XRCC4: variants seen among roughly 807,000 people sequenced by gnomAD.
XRCC4 encodes DNA repair protein XRCC4.
Under a neutral mutation model 39.1 loss-of-function variants are expected in XRCC4, and 28 were observed. The observed-to-expected ratio is 0.72, with a 90% CI of 0.53 to 0.98. The LOEUF (loss-of-function observed/expected upper bound fraction) is 0.98. Among genes scored for constraint, XRCC4 ranks in the 50% least tolerant of loss-of-function variants. The pLI is 0.00. For missense variants in XRCC4, 350 were observed against 376.4 expected, an observed-to-expected ratio of 0.93 and a Z score of 0.58; for synonymous variants, 123 against 126.4, an observed-to-expected ratio of 0.97 and a Z score of 0.18.
Position 83,097,350 on chromosome 5 carries a change from G to GTT in XRCC4, c.-10-7548_-10-7547dup, listed in dbSNP as rs5869160. ...AATTTGAGGATATGTTATAGGTTTTGTTTTTTTTTTTTTCCTCAGACTAAG... is the reference window on the plus strand; with the variant it reads ...AATTTGAGGATATGTTATAGGTTTTGTTTTTTTTTTTTTTTCCTCAGACTAAG... On this transcript the variant is annotated intron_variant, in intron 1 of 7. Transcript: ENST00000396027. Among the ~76,000 whole-genome samples, 224 of 142,766 alleles carry GTT rather than the reference G, an allele frequency of 1.6e-3. 1 individual carries two copies. The highest frequency in any genetic ancestry group is 5.6e-3 in the African/African-American group (220 of 39,082). 93.7% of individuals were successfully genotyped at this position (142,766 alleles called of 152,430 possible).
At chr5:83,270,685 C>T (rs1754110291) in intron 7 of XRCC4, among the ~76,000 whole-genome samples, 1 of 151,696 alleles carries the variant, frequency 6.6e-6, no homozygotes, top group African/African-American at 2.4e-5. Context: ...AACTCATTAC[C>T]ATAGGTTACA....
Position 83,309,417 on chromosome 5 carries a change from G to A in XRCC4, c.894-43714G>A, listed in dbSNP as rs556058564. ...TTAAGCCATTTCTATTAACATTTAA[G>A]GGAATGTGGTTTCCATATGCTTTTG... On this transcript the variant is annotated intron_variant, in intron 7 of 7. Transcript: ENST00000396027. 3.4e-5 allele frequency among the ~76,000 whole-genome samples: 5 copies of A among 149,150 alleles called. No homozygotes were observed. The South Asian group carries it at 8.4e-4, about 25-fold the overall frequency.
At chr5:83,261,728 A>G (rs191436711) in intron 7 of XRCC4, among the ~76,000 whole-genome samples, 254 of 151,782 alleles carry the variant, frequency 1.7e-3, no homozygotes, top group African/African-American at 5.9e-3. Context: ...CCCTCTCAAT[A>G]TTTATAGATC....
chr5:83,156,384 A>C (rs1005988610), intron 3 of XRCC4, among the ~76,000 whole-genome samples: 2 of 151,926 alleles, frequency 1.3e-5, no homozygotes, highest in African/African-American at 4.8e-5. Flanking sequence ...TTGGGAAAAC[A>C]TATCAAGATA....
At chr5:83,147,001 A>T (rs899218994) in intron 3 of XRCC4, among the ~76,000 whole-genome samples, 1 of 152,248 alleles carries the variant, frequency 6.6e-6, no homozygotes, top group Non-Finnish European at 1.5e-5. Context: ...ATCTGAAGTC[A>T]GATGGTCCTG....
intron 3 of XRCC4, among the ~76,000 whole-genome samples, chr5:83,148,736 A>T (rs1748572272): frequency 6.6e-6 from 1 of 152,036 alleles, no homozygotes; most frequent in Admixed American, 6.5e-5. Flanking sequence ...GCTTCCCTTG[A>T]GTTTGTGAGG....
At chr5:83,143,454 A>G (rs949199474) in intron 3 of XRCC4, among the ~76,000 whole-genome samples, 10 of 152,200 alleles carry the variant, frequency 6.6e-5, no homozygotes, top group African/African-American at 1.9e-4. Context: ...AAACTAAAAA[A>G]ATAAAATTAT....
chr5:83,346,727 G>A (rs1251264508), intron 7 of XRCC4, among the ~76,000 whole-genome samples: 1 of 152,032 alleles, frequency 6.6e-6, no homozygotes, highest in Non-Finnish European at 1.5e-5. Flanking sequence ...TGAAGTATAA[G>A]ATACAGATAT....
intron 6 of XRCC4, among the ~76,000 whole-genome samples, chr5:83,251,181 CT>C (rs897385196): frequency 6.6e-6 from 1 of 152,074 alleles, no homozygotes; most frequent in Non-Finnish European, 1.5e-5. Flanking sequence ...TAAATGAATT[CT>C]TAAGGTCTGA....
At chr5:83,180,945 A>G (rs113476307) in intron 3 of XRCC4, among the ~76,000 whole-genome samples, 2,208 of 151,794 alleles carry the variant, frequency 0.015, 62 homozygotes, top group African/African-American at 0.051. Flanking sequence ...TATCAAAGTT[A>G]TGTATGCATG....
chr5:83,204,650 T>C (rs1388107805), intron 5 of XRCC4, among the ~76,000 whole-genome samples, 165 bp from the exon 6 acceptor site: 2 of 152,136 alleles, frequency 1.3e-5, no homozygotes, highest in Non-Finnish European at 2.9e-5. Flanking sequence ...AGAGAGTTAA[T>C]ATATAGGTTT....
At chr5:83,263,451 A>T (rs1420748550) in intron 7 of XRCC4, among the ~76,000 whole-genome samples, 2 of 150,530 alleles carry the variant, frequency 1.3e-5, no homozygotes, top group Non-Finnish European at 3.0e-5. Flanking sequence ...ACTAGTTTAC[A>T]GTCCCACCAA....
chr5:83,111,477 C>T (rs1746442628), intron 3 of XRCC4, among the ~76,000 whole-genome samples: 1 of 151,834 alleles, frequency 6.6e-6, no homozygotes, highest in Non-Finnish European at 1.5e-5. Context: ...AAAGAATAAT[C>T]TTGAAAAAGG....
chr5:83,276,929 T>C (rs914537011), intron 7 of XRCC4, among the ~76,000 whole-genome samples: 3 of 152,256 alleles, frequency 2.0e-5, no homozygotes, highest in Non-Finnish European at 4.4e-5. Flanking sequence ...TGTTTACTTA[T>C]GAATTTTCAA....
chr5:83,210,120 A>G (rs1487952438), intron 6 of XRCC4, among the ~76,000 whole-genome samples: 2 of 152,160 alleles, frequency 1.3e-5, no homozygotes, highest in African/African-American at 2.4e-5. Flanking sequence ...ACAGAATCCA[A>G]TATTTTTAAG....
intron 6 of XRCC4, among the ~76,000 whole-genome samples, chr5:83,255,650 C>G (rs376004134): frequency 6.6e-6 from 1 of 152,030 alleles, no homozygotes; most frequent in East Asian, 1.9e-4. Flanking sequence ...GCCACACATA[C>G]GATTATTAAC....
chr5:83,345,243 T>C (rs147180190), intron 7 of XRCC4, among the ~76,000 whole-genome samples: 61 of 152,316 alleles, frequency 4.0e-4, no homozygotes, highest in African/African-American at 1.4e-3. Flanking sequence ...TATCAATCTT[T>C]ATCTTAATGG....
At chr5:83,188,887 AG>A (rs1325666045) in intron 3 of XRCC4, among the ~76,000 whole-genome samples, 1 of 152,206 alleles carries the variant, frequency 6.6e-6, no homozygotes, top group African/African-American at 2.4e-5. Flanking sequence ...CATACTGAAA[AG>A]ATATGCCTAG....
chr5:83,277,197 C>T (rs933161987), intron 7 of XRCC4, among the ~76,000 whole-genome samples: 3 of 152,202 alleles, frequency 2.0e-5, no homozygotes, highest in Non-Finnish European at 4.4e-5. Flanking sequence ...TTTTGGGTAA[C>T]TGTGACAGTC....
Sources: allele counts gnomAD v4.1 joint callset (sites outside exome capture counted in the v4.1 genomes callset), GRCh38; gene constraint gnomAD v4.1.1; transcripts MANE v1.5; gene names NCBI Gene and HGNC (gene_info 2026-07-23, HGNC 2026-07-21).